Variants in KCNA5 observed in about 807,000 individuals in gnomAD.
KCNA5 encodes the protein cardiac potassium channel.
Under a neutral mutation model 26.5 loss-of-function variants are expected in KCNA5, and 22 were observed. That is an observed-to-expected ratio of 0.83 (90% confidence interval 0.59 to 1.18). The LOEUF is 1.18. Among genes scored for constraint, KCNA5 ranks in the 50% most tolerant of loss-of-function variants. The pLI is 0.00. For missense variants in KCNA5, 916 were observed against 843.2 expected, an observed-to-expected ratio of 1.09 and a Z score of -1.07; for synonymous variants, 465 against 372.8, an observed-to-expected ratio of 1.25 and a Z score of -2.85.
Position 5,045,831 on chromosome 12 carries a change from T to A in KCNA5, c.1684T>A (p.Ser562Thr), listed in dbSNP as rs757138169. The change falls in exon 1 of 1, where the codon TCC (serine) becomes ACC (threonine). Residue 562 changes from serine to threonine, a missense_variant. By Grantham distance (58) the Ser-to-Thr change is moderately conservative (BLOSUM62 1). Coordinates refer to ENST00000252321, the MANE Select transcript of KCNA5 (RefSeq NM_002234.4). The surrounding 1 kb of genome is among the most constrained non-coding windows in gnomAD (Gnocchi z 5.6). ...VQRKVSGSRG[S>T]FCKAGGTLEN... ...GCGGAAGGTCAGCGGGAGCAGGGGA[T>A]CCTTCTGCAAGGCTGGGGGGACCCT... 5 of 1,614,060 alleles carry A rather than the reference T, an allele frequency of 3.1e-6. No homozygotes were observed. Among genetic ancestry groups the A allele is most frequent in the Non-Finnish European group, 3.4e-6 (4 of 1,179,980 alleles).
In KCNA5 at chr12:5,045,517, C is replaced by T. The variant is rs145468399; in HGVS notation, c.1370C>T (p.Ala457Val). The part of the protein sequence containing the change: ...LFSSAVYFAE[A>V]DNQGTHFSSI... ...TCCAGTGCCGTCTACTTCGCAGAGG[C>T]TGACAACCAGGGAACCCATTTCTCT... The change falls in exon 1 of 1, where the codon GCT (alanine) becomes GTT (valine). Residue 457 changes from alanine (A) to valine (V), a missense_variant. Coordinates refer to ENST00000252321, the MANE Select transcript of KCNA5 (RefSeq NM_002234.4). This position sits in a 1 kb window ranked among gnomAD's most constrained non-coding sequence, Gnocchi z 5.6. 6.8e-6 allele frequency: 11 copies of T among 1,614,132 alleles called. No individual in the cohort carries two copies. The African/African-American group carries it at 1.2e-4, about 18-fold the overall frequency.
Position 5,045,930 on chromosome 12 carries a change from G to T in KCNA5, c.1783G>T (p.Asp595Tyr). Residue 595 changes from aspartate (D) to tyrosine (Y), a missense_variant, in exon 1 of 1, where the codon GAC (aspartate) becomes TAC (tyrosine). Coordinates refer to ENST00000252321, the MANE Select transcript of KCNA5 (RefSeq NM_002234.4). This position sits in a 1 kb window ranked among gnomAD's most constrained non-coding sequence, Gnocchi z 5.6. Reference protein sequence around the residue: ...KCNVKAKSNVDLRRSLYALCL... With the variant: ...KCNVKAKSNVYLRRSLYALCL... ...TAACGTCAAGGCCAAGAGCAACGTG[G>T]ACTTGCGGAGGTCCCTTTATGCCCT... is the stretch of plus-strand genomic sequence containing the variant. The T allele has an allele frequency of 6.2e-7, 1 of 1,613,900 alleles. No individual in the cohort carries two copies. Among genetic ancestry groups the T allele is most frequent in the South Asian group, 1.1e-5 (1 of 91,078 alleles).
chr12:5,044,915 G>T lies in KCNA5; in HGVS notation c.768G>T (p.Ser256=). Residue 256 remains serine, a synonymous_variant, in exon 1 of 1, where the codon TCG becomes TCT. Coordinates refer to ENST00000252321, the MANE Select transcript of KCNA5 (RefSeq NM_002234.4). Reference sequence around the variant, plus strand: ...CCGCGCGGGCCATCGCCATCGTCTCGGTCTTGGTTATCCTCATCTCCATCA... The same window carrying T: ...CCGCGCGGGCCATCGCCATCGTCTCTGTCTTGGTTATCCTCATCTCCATCA... ...SGSARAIAIV[S]VLVILISIIT... The T allele has an allele frequency of 2.5e-6, 4 of 1,613,746 alleles. No individual in the cohort carries two copies. The highest frequency in any genetic ancestry group is 3.4e-6 in the Non-Finnish European group (4 of 1,179,962).
chr12:5,045,572 G>A lies in KCNA5; in HGVS notation c.1425G>A (p.Val475=). 6.2e-7 allele frequency: 1 copy of A among 1,614,210 alleles called. No homozygotes were observed. The highest frequency in any genetic ancestry group is 1.6e-4 in the Middle Eastern group (1 of 6,062). The part of the protein sequence containing the change: ...SSIPDAFWWA[V]VTMTTVGYGD... ...TCCCTGACGCCTTCTGGTGGGCAGT[G>A]GTCACCATGACCACTGTGGGCTACG... is the stretch of plus-strand genomic sequence containing the variant. Residue 475 remains valine, a synonymous_variant, in exon 1 of 1, where the codon GTG becomes GTA. Transcript: ENST00000252321. This position sits in a 1 kb window ranked among gnomAD's most constrained non-coding sequence, Gnocchi z 5.6.
In KCNA5 at chr12:5,046,182, A is replaced by G. The variant is rs1378810020; in HGVS notation, c.*193A>G. ...TTTCCATGACACCCAAGGGTCGCCT[A>G]TTTTTAAAAAGTACCACATTCCATG... On this transcript the variant is annotated 3_prime_UTR_variant, in exon 1 of 1. Coordinates refer to ENST00000252321, the MANE Select transcript of KCNA5 (RefSeq NM_002234.4). 13 of 727,366 alleles carry G rather than the reference A, an allele frequency of 1.8e-5. No individual in the cohort carries two copies. Among genetic ancestry groups the G allele is most frequent in the South Asian group, 1.4e-4 (8 of 58,704 alleles). The allele number at this position is 727,366 out of a possible 1,614,324, so 45.1% of individuals were successfully genotyped here.
At position 5,045,280 on chromosome 12, in the gene KCNA5, A is replaced by G. The variant is rs766101407; in HGVS notation, c.1133A>G (p.Glu378Gly). ...ATCACCCTGGGCACCGAACTGGCAG[A>G]GCAGCAGCCAGGGGGTGGAGGAGGC... is the stretch of plus-strand genomic sequence containing the variant. ...YFITLGTELA[E>G]QQPGGGGGGQ... The change falls in exon 1 of 1, where the codon GAG becomes GGG. Residue 378 changes from glutamate to glycine, a missense_variant. By Grantham distance (98) the Glu-to-Gly change is moderately conservative. Coordinates refer to ENST00000252321, the MANE Select transcript of KCNA5 (RefSeq NM_002234.4). The surrounding 1 kb of genome is among the most constrained non-coding windows in gnomAD (Gnocchi z 5.6). 6.2e-7 allele frequency: 1 copy of G among 1,614,186 alleles called. No homozygotes were observed. Among genetic ancestry groups the G allele is most frequent in the Non-Finnish European group, 8.5e-7 (1 of 1,180,020 alleles).
In KCNA5 at chr12:5,045,588, G is replaced by GT. The variant is rs746053809; in HGVS notation, c.1442dup (p.Tyr483LeufsTer54). 1 of 1,614,212 alleles carries GT rather than the reference G, an allele frequency of 6.2e-7. No homozygotes were observed. The highest frequency in any genetic ancestry group is 8.5e-7 in the Non-Finnish European group (1 of 1,180,038). On this transcript the variant is annotated frameshift_variant, in exon 1 of 1. Transcript: ENST00000252321. LOFTEE classifies it high-confidence loss of function. This position sits in a 1 kb window ranked among gnomAD's most constrained non-coding sequence, Gnocchi z 5.6. ...GTGGGCAGTGGTCACCATGACCACTGTGGGCTACGGGGACATGAGGCCCAT... is the reference window on the plus strand; with the variant it reads ...GTGGGCAGTGGTCACCATGACCACTGTTGGGCTACGGGGACATGAGGCCCAT...
rs761327551 is a variant in KCNA5, at chr12:5,044,489, G to C, written c.342G>C (p.Thr114=). The C allele has an allele frequency of 1.9e-6, 3 of 1,612,168 alleles. No individual in the cohort carries two copies. Among genetic ancestry groups the C allele is most frequent in the African/African-American group, 1.3e-5 (1 of 75,032 alleles). The change falls in exon 1 of 1, where the codon ACG becomes ACC. Residue 114 remains threonine, a synonymous_variant. Coordinates refer to ENST00000252321, the MANE Select transcript of KCNA5 (RefSeq NM_002234.4). The stretch of plus-strand genomic sequence containing the variant: ...CGGTGGAGGACCAGGCTCTGGGCAC[G>C]GCGTCCCTGCACCACCAGCGCGTCC... ...LGTVEDQALG[T]ASLHHQRVHI...
chr12:5,045,246 C>T lies in KCNA5; in HGVS notation c.1099C>T (p.Pro367Ser). The change falls in exon 1 of 1, where the codon CCC becomes TCC. Residue 367 changes from proline to serine, a missense_variant. By Grantham distance (74) the Pro-to-Ser change is moderately conservative. Transcript: ENST00000252321. The surrounding 1 kb of genome is among the most constrained non-coding windows in gnomAD (Gnocchi z 5.6). ...MNIIDVVAIF[P>S]YFITLGTELA... ...CATCATCGATGTGGTGGCCATCTTC[C>T]CCTACTTCATCACCCTGGGCACCGA... is the stretch of plus-strand genomic sequence containing the variant. 2 of 1,614,230 alleles carry T rather than the reference C, an allele frequency of 1.2e-6. No individual in the cohort carries two copies. The highest frequency in any genetic ancestry group is 1.7e-6 in the Non-Finnish European group (2 of 1,180,048).
At position 5,044,041 on chromosome 12, in the gene KCNA5, G is replaced by A; in HGVS notation, c.-107G>A. 1 of 1,305,262 alleles carries A rather than the reference G, an allele frequency of 7.7e-7. No homozygotes were observed. Among genetic ancestry groups the A allele is most frequent in the Non-Finnish European group, 1.1e-6 (1 of 947,684 alleles). The allele number at this position is 1,305,262 out of a possible 1,614,324, so 80.9% of individuals were successfully genotyped here. A position where few individuals can be genotyped will look rare whatever the true frequency, so the allele number is the denominator to read the frequency against. On this transcript the variant is annotated 5_prime_UTR_variant, in exon 1 of 1. Coordinates refer to ENST00000252321, the MANE Select transcript of KCNA5 (RefSeq NM_002234.4). The stretch of plus-strand genomic sequence containing the variant: ...CAACCCCAGCTCTCCCCAGAGAGGG[G>A]CCGGCCGACCGCTGGAGCGGAGCCT...
In KCNA5 at chr12:5,044,244, G is replaced by C. The variant is rs959892774; in HGVS notation, c.97G>C (p.Glu33Gln). The change falls in exon 1 of 1, where the codon GAG (glutamate) becomes CAG (glutamine). Residue 33 changes from glutamate to glutamine, a missense_variant. Coordinates refer to ENST00000252321, the MANE Select transcript of KCNA5 (RefSeq NM_002234.4). The stretch of plus-strand genomic sequence containing the variant: ...AGGCTGCGGCCAGGCCACAGGGGGA[G>C]AGCTCCAGTGTCCCCCGACGGCTGG... The part of the protein sequence containing the change: ...RAGCGQATGG[E>Q]LQCPPTAGLS... The C allele has an allele frequency of 6.5e-7, 1 of 1,539,426 alleles. No individual in the cohort carries two copies. The highest frequency in any genetic ancestry group is 8.7e-7 in the Non-Finnish European group (1 of 1,147,890).
chr12:5,044,000 G>A lies in KCNA5; in HGVS notation c.-148G>A. 1 of 801,778 alleles carries A rather than the reference G, an allele frequency of 1.2e-6. No individual in the cohort carries two copies. Among genetic ancestry groups the A allele is most frequent in the Non-Finnish European group, 2.0e-6 (1 of 510,082 alleles). 49.7% of individuals were successfully genotyped at this position (801,778 alleles called of 1,614,324 possible). On this transcript the variant is annotated 5_prime_UTR_variant, in exon 1 of 1. Coordinates refer to ENST00000252321, the MANE Select transcript of KCNA5 (RefSeq NM_002234.4). ...CGGCTTCTTGACGTCAGGGCCAAGCGAGGGGATCGCGCCAGCAACCCCAGC... is the reference window on the plus strand; with the variant it reads ...CGGCTTCTTGACGTCAGGGCCAAGCAAGGGGATCGCGCCAGCAACCCCAGC...
Position 5,045,480 on chromosome 12 carries a change from G to T in KCNA5, c.1333G>T (p.Val445Phe). 1 of 1,614,188 alleles carries T rather than the reference G, an allele frequency of 6.2e-7. No individual in the cohort carries two copies. Among genetic ancestry groups the T allele is most frequent in the Non-Finnish European group, 8.5e-7 (1 of 1,180,032 alleles). ...GCTCATCTTCTTCCTCTTCATCGGG[G>T]TCATCCTCTTCTCCAGTGCCGTCTA... ...GLLIFFLFIG[V>F]ILFSSAVYFA... The change falls in exon 1 of 1, where the codon GTC becomes TTC. Residue 445 changes from valine (V) to phenylalanine (F), a missense_variant. Transcript: ENST00000252321. The surrounding 1 kb of genome is among the most constrained non-coding windows in gnomAD (Gnocchi z 5.6).
chr12:5,045,832 C>T lies in KCNA5; in HGVS notation c.1685C>T (p.Ser562Phe). The T allele has an allele frequency of 6.2e-7, 1 of 1,614,100 alleles. No individual in the cohort carries two copies. Among genetic ancestry groups the T allele is most frequent in the Non-Finnish European group, 8.5e-7 (1 of 1,179,988 alleles). Reference protein sequence around the residue: ...VQRKVSGSRGSFCKAGGTLEN... With the variant: ...VQRKVSGSRGFFCKAGGTLEN... ...CGGAAGGTCAGCGGGAGCAGGGGAT[C>T]CTTCTGCAAGGCTGGGGGGACCCTG... is the stretch of plus-strand genomic sequence containing the variant. Residue 562 changes from serine to phenylalanine, a missense_variant, in exon 1 of 1, where the codon TCC (serine) becomes TTC (phenylalanine). Transcript: ENST00000252321. This position sits in a 1 kb window ranked among gnomAD's most constrained non-coding sequence, Gnocchi z 5.6.
In KCNA5 at chr12:5,044,609, C is replaced by T. The variant is rs1471699370; in HGVS notation, c.462C>T (p.Arg154=). The T allele has an allele frequency of 8.7e-6, 14 of 1,614,052 alleles. No individual in the cohort carries two copies. The South Asian group carries it at 1.3e-4, about 15-fold the overall frequency. The change falls in exon 1 of 1, where the codon CGC becomes CGT. Residue 154 remains arginine (R), a synonymous_variant. Transcript: ENST00000252321. Reference sequence around the variant, plus strand: ...TGGGGGACCCCGCCAAGCGCCTGCGCTACTTCGACCCCCTGAGGAACGAGT... The same window carrying T: ...TGGGGGACCCCGCCAAGCGCCTGCGTTACTTCGACCCCCTGAGGAACGAGT... ...TLLGDPAKRL[R]YFDPLRNEYF...
Position 5,044,098 on chromosome 12 carries a change from G to C in KCNA5, c.-50G>C. On this transcript the variant is annotated 5_prime_UTR_variant, in exon 1 of 1. Transcript: ENST00000252321. ...AGGCGCCCGCGGAGCGTGAGTAGGG[G>C]GCGCGGGAGCCGGTCAGCTGGGGCG... 1 of 1,528,866 alleles carries C rather than the reference G, an allele frequency of 6.5e-7. No homozygotes were observed. The highest frequency in any genetic ancestry group is 8.8e-7 in the Non-Finnish European group (1 of 1,142,770). 94.7% of individuals were successfully genotyped at this position (1,528,866 alleles called of 1,614,324 possible).
rs576837393 is a variant in KCNA5 at position 5,045,641 on chromosome 12, G to T, written c.1494G>T (p.Ser498=). 1 of 1,614,210 alleles carries T rather than the reference G, an allele frequency of 6.2e-7. No homozygotes were observed. The highest frequency in any genetic ancestry group is 8.5e-7 in the Non-Finnish European group (1 of 1,180,036). The change falls in exon 1 of 1, where the codon TCG becomes TCT. Residue 498 remains serine (S), a synonymous_variant. Coordinates refer to ENST00000252321, the MANE Select transcript of KCNA5 (RefSeq NM_002234.4). The surrounding 1 kb of genome is among the most constrained non-coding windows in gnomAD (Gnocchi z 5.6). The part of the protein sequence containing the change: ...PITVGGKIVG[S]LCAIAGVLTI... The stretch of plus-strand genomic sequence containing the variant: ...CTGTTGGGGGCAAGATCGTGGGCTC[G>T]CTGTGTGCCATCGCCGGGGTCCTCA...
At position 5,045,754 on chromosome 12, in the gene KCNA5, A is replaced by G; in HGVS notation, c.1607A>G (p.Lys536Arg). 1 of 1,614,076 alleles carries G rather than the reference A, an allele frequency of 6.2e-7. No individual in the cohort carries two copies. Among genetic ancestry groups the G allele is most frequent in the South Asian group, 1.1e-5 (1 of 91,060 alleles). Residue 536 changes from lysine to arginine, a missense_variant, in exon 1 of 1, where the codon AAG (lysine) becomes AGG (arginine). Transcript: ENST00000252321. This position sits in a 1 kb window ranked among gnomAD's most constrained non-coding sequence, Gnocchi z 5.6. Reference sequence around the variant, plus strand: ...GATCACGAGGAGCCGGCAGTCCTTAAGGAAGAGCAGGGCACTCAGAGCCAG... The same window carrying G: ...GATCACGAGGAGCCGGCAGTCCTTAGGGAAGAGCAGGGCACTCAGAGCCAG... ...ETDHEEPAVL[K>R]EEQGTQSQGP... is the part of the protein sequence containing the mutation.
rs762166093 is a variant in KCNA5, at chr12:5,045,165, C to T, written c.1018C>T (p.Leu340Phe). Reference sequence around the variant, plus strand: ...CGTCATCTGGTTCACCTTCGAGCTGCTCGTGCGCTTCTTCGCCTGCCCCAG... The same window carrying T: ...CGTCATCTGGTTCACCTTCGAGCTGTTCGTGCGCTTCTTCGCCTGCCCCAG... Reference protein sequence around the residue: ...TCVIWFTFELLVRFFACPSKA... With the variant: ...TCVIWFTFELFVRFFACPSKA... The change falls in exon 1 of 1, where the codon CTC (leucine) becomes TTC (phenylalanine). Residue 340 changes from leucine (L) to phenylalanine (F), a missense_variant. Transcript: ENST00000252321. This position sits in a 1 kb window ranked among gnomAD's most constrained non-coding sequence, Gnocchi z 5.6. 53 of 1,614,182 alleles carry T rather than the reference C, an allele frequency of 3.3e-5. No homozygotes were observed. The highest frequency in any genetic ancestry group is 4.4e-5 in the Non-Finnish European group (52 of 1,180,028).
Sources: allele counts gnomAD v4.1 joint callset, GRCh38; gene constraint gnomAD v4.1.1; non-coding constraint Gnocchi (gnomAD v3.1); transcripts MANE v1.5; gene names NCBI Gene and HGNC (gene_info 2026-07-23, HGNC 2026-07-21).